ZBTB16: variants seen among roughly 807,000 people sequenced by gnomAD.
ZBTB16 encodes zinc finger and BTB domain-containing protein 16.
Under a neutral mutation model 56.8 loss-of-function variants are expected in ZBTB16, and 8 were observed. The ratio of observed to expected loss-of-function variants is 0.14; its 90% CI spans 0.08 to 0.25. The LOEUF is 0.25. Ranked by LOEUF, ZBTB16 falls within the 10% of genes least tolerant of loss-of-function variation. ZBTB16 has a pLI of 1.00. For missense variants in ZBTB16, 625 were observed against 903.0 expected (o/e 0.69, Z 3.95); for synonymous variants, 363 against 368.5 (o/e 0.98, Z 0.17).
At chr11:114,230,057 C>T (rs1437021478) in intron 4 of ZBTB16, among the ~76,000 whole-genome samples, 1 of 152,050 alleles carries the variant, frequency 6.6e-6, no homozygotes, top group East Asian at 1.9e-4. Context: ...TTGGTGGTCC[C>T]GCCCTCTCGG....
chr11:114,176,717 A>G (rs550610196), intron 3 of ZBTB16, among the ~76,000 whole-genome samples: 59 of 152,300 alleles, frequency 3.9e-4, no homozygotes, highest in African/African-American at 1.4e-3. Flanking sequence ...GAGATGTCCC[A>G]GTTTAAAACT....
intron 3 of ZBTB16, among the ~76,000 whole-genome samples, chr11:114,181,857 T>A (rs1029887027): frequency 1.3e-5 from 2 of 152,130 alleles, no homozygotes; most frequent in Non-Finnish European, 2.9e-5. Context: ...CAGCCCCGCA[T>A]CTCCCACCTC....
At chr11:114,109,384 C>T (rs1029793185) in intron 2 of ZBTB16, among the ~76,000 whole-genome samples, 10 of 152,198 alleles carry the variant, frequency 6.6e-5, no homozygotes, top group South Asian at 2.1e-4. Context: ...CAAATGTCTG[C>T]GCCTTTTCCT....
intron 4 of ZBTB16, among the ~76,000 whole-genome samples, chr11:114,200,603 G>A (rs1474905823): frequency 6.6e-6 from 1 of 152,198 alleles, no homozygotes; most frequent in Non-Finnish European, 1.5e-5. Flanking sequence ...CCAGGTTGGT[G>A]TTTTCTTGGG....
intron 2 of ZBTB16, among the ~76,000 whole-genome samples, chr11:114,089,519 T>C (rs1432804558): frequency 6.6e-6 from 1 of 152,134 alleles, no homozygotes; most frequent in African/African-American, 2.4e-5. Context: ...CCACGATGTT[T>C]AATAGGTTGA....
At chr11:114,244,934 T>G (rs930253628) in intron 5 of ZBTB16, among the ~76,000 whole-genome samples, 14 of 152,296 alleles carry the variant, frequency 9.2e-5, no homozygotes, top group Admixed American at 3.9e-4. Flanking sequence ...AAGTCTCACG[T>G]GGCCTTGGCT....
chr11:114,113,701 A>G (rs1200030144), intron 2 of ZBTB16, among the ~76,000 whole-genome samples: 4 of 152,208 alleles, frequency 2.6e-5, no homozygotes, highest in Non-Finnish European at 5.9e-5. Flanking sequence ...TCTGTAAATG[A>G]CCTTTCTTTG....
chr11:114,154,303 T>C (rs939023448), intron 2 of ZBTB16, among the ~76,000 whole-genome samples: 2 of 152,146 alleles, frequency 1.3e-5, no homozygotes, highest in African/African-American at 4.8e-5. Context: ...CTCCAGGAGC[T>C]AACAAACCCC....
At chr11:114,110,811 A>G (rs375847938) in intron 2 of ZBTB16, among the ~76,000 whole-genome samples, 1 of 152,232 alleles carries the variant, frequency 6.6e-6, no homozygotes, top group Non-Finnish European at 1.5e-5. Context: ...TCTTGGCAAC[A>G]TGTTTAATCT....
chr11:114,196,403 C>CAAAGAAACAGACAAAGATAGCT (rs60895547), intron 4 of ZBTB16, among the ~76,000 whole-genome samples: 94,739 of 151,960 alleles, frequency 0.62, 30,700 homozygotes, highest in African/African-American at 0.8. Flanking sequence ...AAAAAAGAGG[C>CAAAGAAACAGACAAAGATAGCT]AAGGTCATTC....
At chr11:114,088,730 C>T (rs1940061020) in intron 2 of ZBTB16, among the ~76,000 whole-genome samples, 1 of 152,316 alleles carries the variant, frequency 6.6e-6, no homozygotes, top group South Asian at 2.1e-4. Context: ...GGGAAGGGCC[C>T]CAGAAGCAGG....
rs745570421 is a variant in ZBTB16 at position 114,087,806 on chromosome 11, T to C, written c.1268+23238T>C. On this transcript the variant is annotated intron_variant, in intron 2 of 6. Transcript: ENST00000335953. ...TCCTAGATTCCAGCTACATTTTCAC[T>C]CTTCATCCCTTTCTCTGCATATTTC... 9.2e-5 allele frequency among the ~76,000 whole-genome samples: 14 copies of C among 152,208 alleles called. 1 individual carries two copies. The highest frequency in any genetic ancestry group is 1.9e-4 in the Non-Finnish European group (13 of 68,044).
rs748001809 is a variant in ZBTB16 at position 114,175,800 on chromosome 11, A to G, written c.1367-11152A>G. Among the ~76,000 whole-genome samples, 7 of 152,028 alleles carry G rather than the reference A, an allele frequency of 4.6e-5. No individual in the cohort carries two copies. In the East Asian group the frequency reaches 7.8e-4, roughly 17 times the overall value. On this transcript the variant is annotated intron_variant, in intron 3 of 6. Transcript: ENST00000335953. ...TCCTATTCCCTTTAAAATACCTCCAATGAGGTATGTCATTTGGCAGGAGTG... is the reference window on the plus strand; with the variant it reads ...TCCTATTCCCTTTAAAATACCTCCAGTGAGGTATGTCATTTGGCAGGAGTG...
intron 6 of ZBTB16, among the ~76,000 whole-genome samples, chr11:114,249,493 C>T (rs1352134641): frequency 4.7e-5 from 6 of 126,864 alleles, no homozygotes; most frequent in Non-Finnish European, 9.7e-5. Flanking sequence ...AGGCCGGGCG[C>T]GGTGGCTCAC....
chr11:114,065,541 C>T (rs1010079259), intron 2 of ZBTB16, among the ~76,000 whole-genome samples: 4 of 152,168 alleles, frequency 2.6e-5, no homozygotes, highest in African/African-American at 4.8e-5. Context: ...CTCAGCCTCC[C>T]GAGTAGCTCG....
chr11:114,228,761 C>T (rs1327172058), intron 4 of ZBTB16, among the ~76,000 whole-genome samples: 2 of 152,226 alleles, frequency 1.3e-5, no homozygotes, highest in Admixed American at 1.3e-4. Context: ...GGGCCGGTGC[C>T]CCCTAGAAGT....
At chr11:114,185,275 G>A (rs1466845752) in intron 3 of ZBTB16, among the ~76,000 whole-genome samples, 1 of 152,182 alleles carries the variant, frequency 6.6e-6, no homozygotes, top group Admixed American at 6.5e-5. Flanking sequence ...GTGGCAGATT[G>A]GAAAGGACAG....
intron 4 of ZBTB16, among the ~76,000 whole-genome samples, chr11:114,240,397 A>G (rs1944677733): frequency 6.6e-6 from 1 of 151,332 alleles, no homozygotes; most frequent in African/African-American, 2.4e-5. Context: ...TCCACCAGAC[A>G]CTTCCCGATT....
intron 2 of ZBTB16, among the ~76,000 whole-genome samples, chr11:114,124,849 A>G (rs1457150225): frequency 6.6e-6 from 1 of 152,196 alleles, no homozygotes; most frequent in Non-Finnish European, 1.5e-5. Context: ...GGAGTGCAGC[A>G]CGAGGGTGCT....
Sources: gnomAD v4.1 joint callset for allele counts (sites outside exome capture counted in the v4.1 genomes callset) on GRCh38, gnomAD v4.1.1 for gene constraint, MANE v1.5 for transcripts, NCBI Gene and HGNC (gene_info 2026-07-23, HGNC 2026-07-21) for gene names.